Variants in TECRL observed in about 807,000 individuals in gnomAD.
The protein encoded by TECRL is trans-2,3-enoyl-CoA reductase-like.
TECRL carries 63 observed loss-of-function variants against 52.8 expected under a neutral mutation model. That is an observed-to-expected ratio of 1.19 (90% CI 0.97 to 1.47). The LOEUF (loss-of-function observed/expected upper bound fraction) is 1.47, where lower values mean the gene tolerates loss of function less well. TECRL is among the 40% of genes most tolerant of loss of function. The probability of loss-of-function intolerance (pLI) is 0.00; values close to 1 mark genes in which losing one functional copy is unlikely to be tolerated. For synonymous variants in TECRL, 164 were observed against 141.9 expected (o/e 1.16, Z -1.10); for missense variants, 482 against 429.6 (o/e 1.12, Z -1.08).
intron 1 of TECRL, among the ~76,000 whole-genome samples, chr4:64,378,126 A>C (rs574398428): frequency 1.3e-5 from 2 of 152,294 alleles, no homozygotes; most frequent in South Asian, 4.1e-4. Context: ...ACACAGATAC[A>C]CAGAGAAGTA....
intron 2 of TECRL, among the ~76,000 whole-genome samples, chr4:64,352,722 A>C (rs902502909): frequency 1.3e-4 from 20 of 152,212 alleles, no homozygotes; most frequent in African/African-American, 4.8e-4. Context: ...CCAAACATTC[A>C]CACACACCAC....
At chr4:64,393,126 T>A (rs1446945772) in intron 1 of TECRL, among the ~76,000 whole-genome samples, 1 of 151,946 alleles carries the variant, frequency 6.6e-6, no homozygotes, top group Non-Finnish European at 1.5e-5. Flanking sequence ...AATAGTTCAG[T>A]CTGTTTCCGT....
intron 2 of TECRL, among the ~76,000 whole-genome samples, chr4:64,343,077 G>A (rs1007950420): frequency 2.1e-5 from 3 of 144,486 alleles, no homozygotes; most frequent in Non-Finnish European, 4.6e-5. Context: ...AATATAGTTC[G>A]CCTTCTTTAA....
intron 1 of TECRL, among the ~76,000 whole-genome samples, chr4:64,389,061 A>C (rs1433028532): frequency 1.3e-5 from 2 of 152,056 alleles, no homozygotes; most frequent in African/African-American, 4.8e-5. Context: ...ATAGACAAAC[A>C]TGCCATCTTC....
At chr4:64,365,670 C>T (rs1162353736) in intron 2 of TECRL, among the ~76,000 whole-genome samples, 2 of 151,776 alleles carry the variant, frequency 1.3e-5, no homozygotes, top group East Asian at 1.9e-4. Context: ...TATAGCTAAT[C>T]AGAGAGGTAG....
At chr4:64,408,610 C>T (rs1348065125) in intron 1 of TECRL, among the ~76,000 whole-genome samples, 2 of 151,878 alleles carry the variant, frequency 1.3e-5, no homozygotes, top group Non-Finnish European at 2.9e-5. Context: ...GAGGTAGTCA[C>T]TTTTTAAGAA....
chr4:64,318,232 T>TA (rs996555844), intron 4 of TECRL, among the ~76,000 whole-genome samples: 1 of 151,508 alleles, frequency 6.6e-6, no homozygotes, highest in East Asian at 1.9e-4. Context: ...AAAATAAAAA[T>TA]AAAAAAATTA....
chr4:64,390,683 G>A (rs991541562), intron 1 of TECRL, among the ~76,000 whole-genome samples: 1 of 151,698 alleles, frequency 6.6e-6, no homozygotes, highest in Non-Finnish European at 1.5e-5. Flanking sequence ...TATTGTCCAA[G>A]TAGTGTGGTT....
chr4:64,398,309 G>A (rs147299027), intron 1 of TECRL, among the ~76,000 whole-genome samples: 1,583 of 152,236 alleles, frequency 0.01, 13 homozygotes, highest in Middle Eastern at 0.034. Context: ...CAAATCTCAT[G>A]TGAAATGGAA....
intron 2 of TECRL, among the ~76,000 whole-genome samples, chr4:64,343,605 C>G (rs1387925410): frequency 6.6e-6 from 1 of 151,914 alleles, no homozygotes; most frequent in East Asian, 1.9e-4. Context: ...CACACACACA[C>G]TTACTTAAAA....
At chr4:64,309,771 AG>A (rs1724556079) in intron 6 of TECRL, 54 bp downstream of exon 6, 1 of 1,140,048 alleles carries the variant, frequency 8.8e-7, no homozygotes. Flanking sequence ...TATTTTGCAA[AG>A]GATCCAACAT....
Position 64,322,689 on chromosome 4 carries a change from TG to T in TECRL, c.434del (p.Thr145LysfsTer12). The T allele has an allele frequency of 6.3e-7, 1 of 1,587,742 alleles. No individual in the cohort carries two copies. The highest frequency in any genetic ancestry group is 8.6e-7 in the Non-Finnish European group (1 of 1,166,224). ...TDLGQQVSWTTVFLAEYTGPL... is the reference protein window; with the variant it reads ...TDLGQQVSWTXVFLAEYTGPL... ...TATTACATTTCAAATTAACACTTACTGTGGTCCAACTGACTTGTTGACCTAG... is the reference window on the plus strand; with the variant it reads ...TATTACATTTCAAATTAACACTTACTTGGTCCAACTGACTTGTTGACCTAG... On this transcript the variant is annotated frameshift_variant and splice_region_variant, in exon 4 of 12. Coordinates refer to ENST00000381210, the MANE Select transcript of TECRL (RefSeq NM_001010874.5). LOFTEE classifies it high-confidence loss of function.
chr4:64,328,557 C>A lies in TECRL; in HGVS notation c.287-1G>T. 1 of 1,608,720 alleles carries A rather than the reference C, an allele frequency of 6.2e-7. No homozygotes were observed. The highest frequency in any genetic ancestry group is 1.1e-5 in the South Asian group (1 of 90,486). The stretch of plus-strand genomic sequence containing the variant: ...ACTCGAGAAGGGTACCACTTTGGAC[C>A]TATTCAATGAAAAATAACATTTAAT... On this transcript the variant is annotated splice_acceptor_variant, in intron 2 of 11. Coordinates refer to ENST00000381210, the MANE Select transcript of TECRL (RefSeq NM_001010874.5). LOFTEE classifies it high-confidence loss of function.
At chr4:64,378,980 T>C (rs542415348) in intron 1 of TECRL, among the ~76,000 whole-genome samples, 2 of 152,072 alleles carry the variant, frequency 1.3e-5, no homozygotes, top group South Asian at 2.1e-4. Flanking sequence ...CATACACACA[T>C]ATCCTGTTTT....
chr4:64,393,050 TA>T (rs1723654827), intron 1 of TECRL, among the ~76,000 whole-genome samples: 1 of 151,976 alleles, frequency 6.6e-6, no homozygotes, highest in Non-Finnish European at 1.5e-5. Flanking sequence ...TGTGCTTGAC[TA>T]ACAAACCCCG....
At chr4:64,391,418 G>T (rs772476299) in intron 1 of TECRL, among the ~76,000 whole-genome samples, 1 of 151,740 alleles carries the variant, frequency 6.6e-6, no homozygotes, top group Non-Finnish European at 1.5e-5. Context: ...CTGCATGATT[G>T]TCTCAGAGTA....
chr4:64,280,051 A>G lies in TECRL; in HGVS notation c.*21T>C, dbSNP rs975352659. On this transcript the variant is annotated 3_prime_UTR_variant, in exon 12 of 12. Coordinates refer to ENST00000381210, the MANE Select transcript of TECRL (RefSeq NM_001010874.5). ...TTGAATTTATATGTTGCTGTTTTCT[A>G]TAGGAGATAAGATTCTTTTTTTACA... is the stretch of plus-strand genomic sequence containing the variant. 4.4e-6 allele frequency: 7 copies of G among 1,578,458 alleles called. No individual in the cohort carries two copies. In the African/African-American group the frequency reaches 8.2e-5, roughly 19 times the overall value.
At chr4:64,291,842 T>G (rs75683503) in intron 8 of TECRL, among the ~76,000 whole-genome samples, 5,927 of 151,962 alleles carry the variant, frequency 0.039, 381 homozygotes, top group African/African-American at 0.14. Context: ...AAAAAAGTGG[T>G]AAAGAAGCCA....
intron 1 of TECRL, among the ~76,000 whole-genome samples, chr4:64,379,887 A>G (rs1230358442): frequency 6.6e-6 from 1 of 152,086 alleles, no homozygotes; most frequent in Non-Finnish European, 1.5e-5. Flanking sequence ...TCCCTTTGAT[A>G]TACTGATTTG....
Sources: gnomAD v4.1 joint callset for allele counts (sites outside exome capture counted in the v4.1 genomes callset) on GRCh38, gnomAD v4.1.1 for gene constraint, MANE v1.5 for transcripts, NCBI Gene and HGNC (gene_info 2026-07-23, HGNC 2026-07-21) for gene names.